The following ESYT3 variants were observed in gnomAD, a reference collection of about 807,000 sequenced individuals.
The protein encoded by ESYT3 is extended synaptotagmin-3.
A neutral mutation model predicts 111.5 loss-of-function variants in ESYT3; 101 were observed. The ratio of observed to expected loss-of-function variants is 0.91; its 90% CI spans 0.77 to 1.07. ESYT3 has a LOEUF of 1.07. ESYT3 is among the 50% of genes least tolerant of loss of function. The pLI, the probability that ESYT3 is intolerant of heterozygous loss-of-function variation, is 0.00. For missense variants in ESYT3, 1,097 were observed against 1,109.4 expected (o/e 0.99, Z 0.16); for synonymous variants, 416 against 446.8 (o/e 0.93, Z 0.87).
At chr3:138,454,941 G>A (rs541048132) in intron 2 of ESYT3, among the ~76,000 whole-genome samples, 19 of 152,268 alleles carry the variant, frequency 1.2e-4, no homozygotes, top group Admixed American at 4.6e-4. Context: ...GGTGCTCTGC[G>A]GAATAGCACC....
At position 138,477,033 on chromosome 3, in the gene ESYT3, G is replaced by C; in HGVS notation, c.*179G>C. ...TTAACTCCATGACTGAATAGCATAA[G>C]GAAGAGGTTATTTAAAAGCAAGAAC... On this transcript the variant is annotated 3_prime_UTR_variant, in exon 23 of 23. Coordinates refer to ENST00000389567, the MANE Select transcript of ESYT3 (RefSeq NM_031913.5). 1 of 452,102 alleles carries C rather than the reference G, an allele frequency of 2.2e-6. No homozygotes were observed. Among genetic ancestry groups the C allele is most frequent in the African/African-American group, 2.0e-5 (1 of 49,466 alleles). The allele number at this position is 452,102 out of a possible 1,614,324, so 28.0% of individuals were successfully genotyped here. A position where few individuals can be genotyped will look rare whatever the true frequency, so the allele number is the denominator to read the frequency against.
In ESYT3 at chr3:138,476,504, C is replaced by G; in HGVS notation, c.2624+12C>G. On this transcript the variant is annotated intron_variant, in intron 22 of 22. Transcript: ENST00000389567. ...GGCTTTTCACAATGGTAAGTGTGCC[C>G]TTTCATTTTATCACTGTTATCCTGC... is the stretch of plus-strand genomic sequence containing the variant. 1.2e-6 allele frequency: 2 copies of G among 1,612,478 alleles called. No homozygotes were observed. The highest frequency in any genetic ancestry group is 1.7e-6 in the Non-Finnish European group (2 of 1,179,422).
rs773489958 is a variant in ESYT3 at position 138,465,392 on chromosome 3, G to A, written c.1140G>A (p.Glu380=). ...ACCTGGAGGTAGACCTGTATGATGAGGATACCGACAGGGATGACTTCCTGG... is the reference window on the plus strand; with the variant it reads ...ACCTGGAGGTAGACCTGTATGATGAAGATACCGACAGGGATGACTTCCTGG... ...GQDLEVDLYD[E]DTDRDDFLGS... The change falls in exon 10 of 23, where the codon GAG becomes GAA. Residue 380 remains glutamate (E), a synonymous_variant. Transcript: ENST00000389567. 1.9e-6 allele frequency: 3 copies of A among 1,596,198 alleles called. No individual in the cohort carries two copies. The highest frequency in any genetic ancestry group is 2.3e-5 in the South Asian group (2 of 87,226).
At position 138,459,171 on chromosome 3, in the gene ESYT3, C is replaced by T; in HGVS notation, c.582-16C>T. On this transcript the variant is annotated splice_polypyrimidine_tract_variant and intron_variant, in intron 4 of 22. Coordinates refer to ENST00000389567, the MANE Select transcript of ESYT3 (RefSeq NM_031913.5). Reference sequence around the variant, plus strand: ...TACCCCTCCTCCCCACCTTCCTTTTCCACCCCCCATTTCAGCTACATCGGG... The same window carrying T: ...TACCCCTCCTCCCCACCTTCCTTTTTCACCCCCCATTTCAGCTACATCGGG... 2.0e-6 allele frequency: 3 copies of T among 1,491,848 alleles called. No homozygotes were observed. Among genetic ancestry groups the T allele is most frequent in the Non-Finnish European group, 2.7e-6 (3 of 1,109,268 alleles). 92.4% of individuals were successfully genotyped at this position (1,491,848 alleles called of 1,614,324 possible).
chr3:138,462,282 G>A, intron 8 of ESYT3, 76 bp downstream of exon 8: 1 of 1,595,312 alleles, frequency 6.3e-7, no homozygotes, highest in Non-Finnish European at 8.6e-7. Flanking sequence ...CACATGTGGT[G>A]CATTGGCTTT....
intron 1 of ESYT3, among the ~76,000 whole-genome samples, chr3:138,442,374 C>T (rs2031219368): frequency 6.6e-6 from 1 of 152,204 alleles, no homozygotes. Flanking sequence ...TCATATCCTT[C>T]ATATGAATAT....
chr3:138,473,250 G>GA (rs2033324595), intron 18 of ESYT3: 2 of 778,946 alleles, frequency 2.6e-6, no homozygotes, highest in Non-Finnish European at 3.6e-6. Context: ...AACCCTACAA[G>GA]ATGGAACTAT....
intron 1 of ESYT3, among the ~76,000 whole-genome samples, chr3:138,437,523 G>A (rs1720826): frequency 0.054 from 8,280 of 152,204 alleles, 683 homozygotes; most frequent in East Asian, 0.35. Flanking sequence ...ATGAGGGGGC[G>A]CTGTGTGCTG....
Position 138,468,192 on chromosome 3 carries a change from G to A in ESYT3, c.1306G>A (p.Glu436Lys), listed in dbSNP as rs747086756. 3.7e-6 allele frequency: 6 copies of A among 1,613,986 alleles called. No homozygotes were observed. The highest frequency in any genetic ancestry group is 1.7e-5 in the Admixed American group (1 of 60,002). ...GCTTACTGACCAAGAAGTTCTGACT[G>A]AGGTGAGTGTGGGGTGTCAAGGGCT... ...SLLTDQEVLT[E>K]DHGGLSTAIL... Residue 436 changes from glutamate (E) to lysine (K), a missense_variant and splice_region_variant, in exon 12 of 23, where the codon GAG (glutamate) becomes AAG (lysine). Physicochemically the swap from Glu to Lys is moderately conservative, Grantham distance 56. Transcript: ENST00000389567.
At position 138,468,658 on chromosome 3, in the gene ESYT3, C is replaced by T. The variant is rs2033058265; in HGVS notation, c.1312C>T (p.His438Tyr). ...LTDQEVLTED[H>Y]GGLSTAILVV... ...GAGGGTCTGTGTCTGTTTGCAGGAC[C>T]ATGGTGGCCTTTCCACTGCCATTCT... Residue 438 changes from histidine to tyrosine, a missense_variant, in exon 13 of 23, where the codon CAT becomes TAT. Physicochemically the swap from His to Tyr is moderately conservative, Grantham distance 83. Coordinates refer to ENST00000389567, the MANE Select transcript of ESYT3 (RefSeq NM_031913.5). 11 of 1,614,056 alleles carry T rather than the reference C, an allele frequency of 6.8e-6. No individual in the cohort carries two copies. The highest frequency in any genetic ancestry group is 3.3e-4 in the Middle Eastern group (2 of 6,060).
Position 138,462,124 on chromosome 3 carries a change from C to T in ESYT3, c.833C>T (p.Thr278Ile), listed in dbSNP as rs763638302. The change falls in exon 8 of 23, where the codon ACC becomes ATC. Residue 278 changes from threonine (T) to isoleucine (I), a missense_variant. Physicochemically the swap from Thr to Ile is moderately conservative, Grantham distance 89. Coordinates refer to ENST00000389567, the MANE Select transcript of ESYT3 (RefSeq NM_031913.5). The stretch of plus-strand genomic sequence containing the variant: ...AGCTTACTGGAGGACCTCATTGCCA[C>T]CCACCTGGTGCTGCCCAACCGTGTG... ...SDSLLEDLIA[T>I]HLVLPNRVTV... 1.2e-6 allele frequency: 2 copies of T among 1,614,066 alleles called. No homozygotes were observed. Among genetic ancestry groups the T allele is most frequent in the South Asian group, 2.2e-5 (2 of 91,080 alleles).
rs992366923 is a variant in ESYT3 at position 138,462,501 on chromosome 3, T to G, written c.915+295T>G. On this transcript the variant is annotated intron_variant, in intron 8 of 22. Transcript: ENST00000389567. ...TTGACTTGTTTCATTCTGGTCTCCA[T>G]TTTTAGGGTTTTATACCTTAACTTC... The G allele has an allele frequency of 2.7e-5, 14 of 524,834 alleles. 1 individual carries two copies. Among genetic ancestry groups the G allele is most frequent in the Middle Eastern group, 4.8e-4 (1 of 2,080 alleles). The allele number at this position is 524,834 out of a possible 1,614,324, so 32.5% of individuals were successfully genotyped here.
intron 15 of ESYT3, 25 bp from the exon 16 acceptor site, chr3:138,470,035 T>C (rs1227544813): frequency 6.2e-6 from 10 of 1,601,046 alleles, no homozygotes; most frequent in Non-Finnish European, 8.5e-6. Context: ...AACCCTTCAA[T>C]GATCTCTCCC....
intron 1 of ESYT3, among the ~76,000 whole-genome samples, chr3:138,447,411 C>T (rs549662362): frequency 6.6e-6 from 1 of 152,242 alleles, no homozygotes; most frequent in Admixed American, 6.5e-5. Flanking sequence ...TACTTTAAAA[C>T]ATTACTATTT....
In ESYT3 at chr3:138,474,330, T is replaced by G; in HGVS notation, c.2446T>G (p.Leu816Val). 1 of 1,598,804 alleles carries G rather than the reference T, an allele frequency of 6.3e-7. No homozygotes were observed. Among genetic ancestry groups the G allele is most frequent in the Non-Finnish European group, 8.5e-7 (1 of 1,176,136 alleles). The change falls in exon 20 of 23, where the codon TTG becomes GTG. Residue 816 changes from leucine to valine, a missense_variant. Physicochemically the swap from Leu to Val is conservative, Grantham distance 32. Coordinates refer to ENST00000389567, the MANE Select transcript of ESYT3 (RefSeq NM_031913.5). ...GAAGACTTCAGTGAAGCGGAAGACCTTGGAACCCCTGTTTGATGAGACGTA... is the reference window on the plus strand; with the variant it reads ...GAAGACTTCAGTGAAGCGGAAGACCGTGGAACCCCTGTTTGATGAGACGTA... ...RKKTSVKRKT[L>V]EPLFDETFEF...
intron 1 of ESYT3, among the ~76,000 whole-genome samples, chr3:138,437,599 A>T (rs2030815059): frequency 6.6e-6 from 1 of 152,120 alleles, no homozygotes; most frequent in South Asian, 2.1e-4. Flanking sequence ...GACTTGATGG[A>T]GGCTGGCCTT....
intron 1 of ESYT3, among the ~76,000 whole-genome samples, chr3:138,436,734 TTG>T (rs2030727054): frequency 6.6e-6 from 1 of 152,186 alleles, no homozygotes; most frequent in Non-Finnish European, 1.5e-5. Context: ...TCCACACCCC[TTG>T]CACACAGTTG....
At chr3:138,449,259 A>AT (rs2108601038) in intron 1 of ESYT3, among the ~76,000 whole-genome samples, 1 of 151,170 alleles carries the variant, frequency 6.6e-6, no homozygotes, top group African/African-American at 2.4e-5. Flanking sequence ...TAATTTTTAT[A>AT]TTTTTTAGTA....
At chr3:138,449,082 C>CTTTTTTTTTTTTTT (rs398040196) in intron 1 of ESYT3, among the ~76,000 whole-genome samples, 4 of 113,120 alleles carry the variant, frequency 3.5e-5, no homozygotes, top group East Asian at 5.4e-4. Context: ...CTTTCTTTTT[C>CTTTTTTTTTTTTTT]TTTTTTTTTT....
Sources: gnomAD v4.1 joint callset for allele counts (sites outside exome capture counted in the v4.1 genomes callset) on GRCh38, gnomAD v4.1.1 for gene constraint, MANE v1.5 for transcripts, NCBI Gene and HGNC (gene_info 2026-07-23, HGNC 2026-07-21) for gene names.